LAMA1: variants seen among roughly 807,000 people sequenced by gnomAD.
LAMA1 encodes the protein laminin subunit alpha-1.
Under a neutral mutation model 348.7 loss-of-function variants are expected in LAMA1, and 219 were observed. That is an observed-to-expected ratio of 0.63 (90% CI 0.56 to 0.70). The LOEUF (loss-of-function observed/expected upper bound fraction) is 0.70. Among genes scored for constraint, LAMA1 ranks in the 30% least tolerant of loss-of-function variants. The pLI is 0.00. For synonymous variants in LAMA1, 1,487 were observed against 1,491.0 expected (o/e 1.00, Z 0.06); for missense variants, 3,744 against 3,888.0 (o/e 0.96, Z 0.99).
At chr18:6,990,607 C>T (rs9961234) in intron 36 of LAMA1, among the ~76,000 whole-genome samples, 94,337 of 151,962 alleles carry the variant, frequency 0.62, 29,998 homozygotes, top group East Asian at 0.89. Flanking sequence ...GCTTCTGTCA[C>T]CACTACCCAT....
chr18:7,039,568 T>C (rs535824004), intron 10 of LAMA1, among the ~76,000 whole-genome samples: 16 of 152,324 alleles, frequency 1.1e-4, no homozygotes, highest in South Asian at 4.1e-4. Flanking sequence ...AAGAATACCA[T>C]AGAATTAAGC....
At chr18:7,011,731 T>C (rs977523810) in intron 24 of LAMA1, among the ~76,000 whole-genome samples, 2 of 152,208 alleles carry the variant, frequency 1.3e-5, no homozygotes, top group African/African-American at 4.8e-5. Context: ...GGCTGAGATT[T>C]TGCAGTTCTA....
At chr18:7,102,260 T>A (rs1419692819) in intron 1 of LAMA1, among the ~76,000 whole-genome samples, 1 of 152,150 alleles carries the variant, frequency 6.6e-6, no homozygotes, top group South Asian at 2.1e-4. Context: ...TAGTAATAAG[T>A]GATATTTATC....
At position 7,037,690 on chromosome 18, in the gene LAMA1, T is replaced by G. The variant is rs760132767; in HGVS notation, c.1625A>C (p.Gln542Pro). The G allele has an allele frequency of 6.2e-7, 1 of 1,614,216 alleles. No individual in the cohort carries two copies. The highest frequency in any genetic ancestry group is 2.2e-5 in the East Asian group (1 of 44,872). Reference protein sequence around the residue: ...DLISPRKIPSQQDALGGRHQV... With the variant: ...DLISPRKIPSPQDALGGRHQV... ...ATGGCGCCCGCCTAGTGCATCTTGC[T>G]GAGACGGGATCTTCCTGGGACTGAT... is the stretch of plus-strand genomic sequence containing the variant. The change falls in exon 12 of 63, where the codon CAG becomes CCG. Residue 542 changes from glutamine (Q) to proline (P), a missense_variant. Gln to Pro is a moderately conservative substitution (Grantham distance 76). Around this residue, in one of 3 missense-constraint regions of LAMA1, gnomAD observed 1,529 missense variants for 1,689.4 expected, o/e 0.91. Transcript: ENST00000389658.
chr18:6,979,854 G>A (rs112171030), intron 42 of LAMA1, among the ~76,000 whole-genome samples: 3,250 of 152,160 alleles, frequency 0.021, 127 homozygotes, highest in African/African-American at 0.075. Flanking sequence ...AGCCAAGATC[G>A]CGCCACTGCA....
chr18:7,031,252 T>C (rs759905262), intron 16 of LAMA1, among the ~76,000 whole-genome samples: 6 of 152,090 alleles, frequency 3.9e-5, no homozygotes, highest in Non-Finnish European at 7.4e-5. Flanking sequence ...ACTCCACCTC[T>C]GAGGATCAAA....
At chr18:7,072,105 C>T (rs1310005640) in intron 3 of LAMA1, among the ~76,000 whole-genome samples, 1 of 152,134 alleles carries the variant, frequency 6.6e-6, no homozygotes, top group East Asian at 1.9e-4. Context: ...ATGATGATTC[C>T]ATCTTAATTT....
rs1025719309 is a variant in LAMA1 at position 6,956,429 on chromosome 18, A to T, written c.8094+207T>A. On this transcript the variant is annotated intron_variant, in intron 56 of 62. Coordinates refer to ENST00000389658, the MANE Select transcript of LAMA1 (RefSeq NM_005559.4). ...GCGCGGCCTGGGTGTTGGGGCCTACAATCTATGGATTGGGCCGTGTCATCT... is the reference window on the plus strand; with the variant it reads ...GCGCGGCCTGGGTGTTGGGGCCTACTATCTATGGATTGGGCCGTGTCATCT... 8 of 776,404 alleles carry T rather than the reference A, an allele frequency of 1.0e-5. No homozygotes were observed. The African/African-American group carries it at 1.2e-4, about 12-fold the overall frequency. 48.1% of individuals were successfully genotyped at this position (776,404 alleles called of 1,614,324 possible). A position where few individuals can be genotyped will look rare whatever the true frequency, so the allele number is the denominator to read the frequency against.
chr18:7,054,520 G>C (rs187956404), intron 3 of LAMA1, among the ~76,000 whole-genome samples: 1 of 152,180 alleles, frequency 6.6e-6, no homozygotes, highest in African/African-American at 2.4e-5. Flanking sequence ...ACTGACTGCA[G>C]ACTTCCTCTA....
intron 1 of LAMA1, among the ~76,000 whole-genome samples, chr18:7,081,670 T>C (rs1051313451): frequency 6.6e-6 from 1 of 152,094 alleles, no homozygotes; most frequent in Non-Finnish European, 1.5e-5. Context: ...TTTATCTTGG[T>C]AAAAGGGGAT....
At chr18:6,968,068 C>T (rs868050851) in intron 48 of LAMA1, among the ~76,000 whole-genome samples, 7 of 152,208 alleles carry the variant, frequency 4.6e-5, no homozygotes, top group African/African-American at 1.7e-4. Context: ...CCTCAACAGT[C>T]GGCCCAGGTG....
intron 3 of LAMA1, among the ~76,000 whole-genome samples, chr18:7,072,205 T>G (rs574341485): frequency 6.6e-6 from 1 of 152,338 alleles, no homozygotes; most frequent in Admixed American, 6.5e-5. Flanking sequence ...CTAACTGTAA[T>G]TAGATTCTAT....
chr18:6,951,601 G>A (rs888031877), intron 57 of LAMA1, among the ~76,000 whole-genome samples: 4 of 152,188 alleles, frequency 2.6e-5, no homozygotes, highest in South Asian at 2.1e-4. Context: ...TTTGAAAGGG[G>A]GAGTGGCCGA....
chr18:7,094,035 C>A (rs1276469603), intron 1 of LAMA1, among the ~76,000 whole-genome samples: 3 of 152,016 alleles, frequency 2.0e-5, no homozygotes, highest in Non-Finnish European at 4.4e-5. Flanking sequence ...CCTCAGTCTC[C>A]CAAAGTGCCA....
intron 60 of LAMA1, among the ~76,000 whole-genome samples, chr18:6,947,605 T>G (rs938505137): frequency 4.6e-5 from 7 of 152,216 alleles, no homozygotes; most frequent in Non-Finnish European, 7.3e-5. Context: ...CGGCAGTCTT[T>G]CCCGTGGGCT....
rs1255553916 is a variant in LAMA1 at position 6,976,489 on chromosome 18, C to T, written c.6346-409G>A. 3.3e-5 allele frequency among the ~76,000 whole-genome samples: 5 copies of T among 152,120 alleles called. No homozygotes were observed. The East Asian group carries it at 9.6e-4, about 29-fold the overall frequency. The stretch of plus-strand genomic sequence containing the variant: ...ATTTATAGAGCAATTATTGCACTTA[C>T]TACATATTTCTTTGACTAGTAATTC... On this transcript the variant is annotated intron_variant, in intron 44 of 62. Transcript: ENST00000389658.
At chr18:7,073,854 GAGA>G (rs538320170) in intron 3 of LAMA1, among the ~76,000 whole-genome samples, 6 of 63,120 alleles carry the variant, frequency 9.5e-5, no homozygotes, top group South Asian at 1.6e-3. Context: ...GTGTGTTTAT[GAGA>G]AGGAGTCTTG....
chr18:7,111,579 C>T (rs1354005022), intron 1 of LAMA1, among the ~76,000 whole-genome samples: 1 of 152,150 alleles, frequency 6.6e-6, no homozygotes, highest in African/African-American at 2.4e-5. Context: ...TGAAATAGCT[C>T]CCTGACAGAC....
intron 57 of LAMA1, 82 bp from the exon 58 acceptor site, chr18:6,951,053 G>T: frequency 8.0e-7 from 1 of 1,256,722 alleles, no homozygotes; most frequent in Non-Finnish European, 1.1e-6. Flanking sequence ...CCCAACAATT[G>T]TTTCAGCGTT....
Sources: allele counts gnomAD v4.1 joint callset (sites outside exome capture counted in the v4.1 genomes callset), GRCh38; gene constraint gnomAD v4.1.1; regional missense constraint gnomAD v4.1.1; transcripts MANE v1.5; gene names NCBI Gene and HGNC (gene_info 2026-07-23, HGNC 2026-07-21).